WWOX: variants seen among roughly 807,000 people sequenced by gnomAD.
The protein encoded by WWOX is WW domain-containing oxidoreductase.
A neutral mutation model predicts 46.2 loss-of-function variants in WWOX; 69 were observed. The observed-to-expected ratio is 1.49, with a 90% CI of 1.23 to 1.82. WWOX has a LOEUF of 1.82. Among genes scored for constraint, WWOX ranks in the 40% most tolerant of loss-of-function variants. The pLI, the probability that WWOX is intolerant of heterozygous loss-of-function variation, is 0.00. For synonymous variants in WWOX, 359 were observed against 202.6 expected (o/e 1.77, Z -6.56); for missense variants, 919 against 542.6 (o/e 1.69, Z -6.89).
At chr16:78,336,944 A>G (rs556145729) in intron 5 of WWOX, among the ~76,000 whole-genome samples, 204 of 151,956 alleles carry the variant, frequency 1.3e-3, no homozygotes, top group African/African-American at 4.4e-3. Flanking sequence ...ATGCCCGGCT[A>G]ATTTTTTGTA....
intron 8 of WWOX, among the ~76,000 whole-genome samples, chr16:79,096,563 C>A (rs1373334300): frequency 6.6e-6 from 1 of 152,174 alleles, no homozygotes; most frequent in Admixed American, 6.5e-5. Context: ...TCTCTAGATA[C>A]CATCTTTAAA....
intron 8 of WWOX, among the ~76,000 whole-genome samples, chr16:78,853,353 C>T (rs1391980604): frequency 6.6e-6 from 1 of 152,152 alleles, no homozygotes; most frequent in East Asian, 1.9e-4. Flanking sequence ...GCTGGGATTA[C>T]AGGCGCATGC....
intron 8 of WWOX, among the ~76,000 whole-genome samples, chr16:79,043,852 T>A (rs944376851): frequency 6.6e-6 from 1 of 152,216 alleles, no homozygotes; most frequent in African/African-American, 2.4e-5. Context: ...GAGAGCAAAC[T>A]CTGGAAGTGG....
chr16:78,827,825 G>A (rs2051704865), intron 8 of WWOX, among the ~76,000 whole-genome samples: 2 of 152,126 alleles, frequency 1.3e-5, no homozygotes, highest in African/African-American at 4.8e-5. Flanking sequence ...TGGGCGGCAA[G>A]CAAGACACCA....
intron 8 of WWOX, among the ~76,000 whole-genome samples, chr16:79,092,105 T>C (rs1280913700): frequency 6.6e-6 from 1 of 152,128 alleles, no homozygotes; most frequent in Non-Finnish European, 1.5e-5. Context: ...TAAAGAAATG[T>C]GTAATTCAGA....
rs578161090 is a variant in WWOX, at chr16:78,862,704, C to G, written c.1057-348904C>G. Among the ~76,000 whole-genome samples, 249 of 152,196 alleles carry G rather than the reference C, an allele frequency of 1.6e-3. 10 individuals carry two copies. The South Asian group carries it at 0.047, about 29-fold the overall frequency. On this transcript the variant is annotated intron_variant, in intron 8 of 8. Coordinates refer to ENST00000566780, the MANE Select transcript of WWOX (RefSeq NM_016373.4). ...CCAAGGGCAGGAGAAGCTGATGTCTCAGCTTGAAGTCAGGCATAGAGAGGC... is the reference window on the plus strand; with the variant it reads ...CCAAGGGCAGGAGAAGCTGATGTCTGAGCTTGAAGTCAGGCATAGAGAGGC...
At chr16:79,030,616 G>C (rs1469246908) in intron 8 of WWOX, among the ~76,000 whole-genome samples, 1 of 152,234 alleles carries the variant, frequency 6.6e-6, no homozygotes, top group African/African-American at 2.4e-5. Flanking sequence ...CCAAAGATTA[G>C]ACACCCTTGT....
chr16:78,650,253 C>T (rs563247836), intron 8 of WWOX, among the ~76,000 whole-genome samples: 3 of 152,286 alleles, frequency 2.0e-5, no homozygotes, highest in African/African-American at 4.8e-5. Context: ...TCTCTAATTT[C>T]TTCAGGACTT....
chr16:78,866,827 C>A (rs1252367322), intron 8 of WWOX, among the ~76,000 whole-genome samples: 1 of 152,208 alleles, frequency 6.6e-6, no homozygotes, highest in Non-Finnish European at 1.5e-5. Context: ...ACTGGCCTTT[C>A]CAGTTTTTCT....
At chr16:78,882,279 C>G (rs1379623387) in intron 8 of WWOX, among the ~76,000 whole-genome samples, 1 of 152,110 alleles carries the variant, frequency 6.6e-6, no homozygotes, top group Non-Finnish European at 1.5e-5. Flanking sequence ...CCTAGGGAGC[C>G]AGGACAGTAT....
At chr16:79,136,456 C>T (rs1449034385) in intron 8 of WWOX, among the ~76,000 whole-genome samples, 3 of 152,268 alleles carry the variant, frequency 2.0e-5, no homozygotes, top group Admixed American at 6.5e-5. Flanking sequence ...GTCTTGATCT[C>T]CTGACCTCAT....
rs976655500 is a variant in WWOX at position 79,206,946 on chromosome 16, C to CATTT, written c.1057-4661_1057-4658dup. Among the ~76,000 whole-genome samples, 4 of 152,218 alleles carry CATTT rather than the reference C, an allele frequency of 2.6e-5. No individual in the cohort carries two copies. The East Asian group carries it at 7.7e-4, about 29-fold the overall frequency. On this transcript the variant is annotated intron_variant, in intron 8 of 8. Transcript: ENST00000566780. ...GTGGCCTTTTGGAGCAGTTTGCTTT[C>CATTT]ATTTGTGTTTCCAATGAGAGATTGA...
At chr16:78,891,503 T>C (rs952862918) in intron 8 of WWOX, 1 of 152,218 alleles carries the variant, frequency 6.6e-6, no homozygotes, top group African/African-American at 2.4e-5. Context: ...ATTACACCCA[T>C]GCAGCAATTA....
At chr16:78,491,520 T>TGG (rs1038679443) in intron 8 of WWOX, among the ~76,000 whole-genome samples, 3 of 152,172 alleles carry the variant, frequency 2.0e-5, no homozygotes, top group African/African-American at 7.2e-5. Flanking sequence ...TGGAGTGCAG[T>TGG]GGCAGAGTCT....
intron 8 of WWOX, among the ~76,000 whole-genome samples, chr16:78,463,328 G>A (rs907998419): frequency 6.6e-5 from 10 of 152,182 alleles, no homozygotes; most frequent in Admixed American, 5.2e-4. Flanking sequence ...ATTCTTACCC[G>A]ATGCTTAATG....
intron 8 of WWOX, among the ~76,000 whole-genome samples, chr16:79,056,900 A>G (rs1238529452): frequency 6.6e-6 from 1 of 152,254 alleles, no homozygotes; most frequent in Non-Finnish European, 1.5e-5. Flanking sequence ...CTTCAAACCT[A>G]CAAAACATAG....
At chr16:79,015,643 T>A (rs116768865) in intron 8 of WWOX, among the ~76,000 whole-genome samples, 2 of 152,228 alleles carry the variant, frequency 1.3e-5, no homozygotes. Context: ...CACTGTGGGA[T>A]TAGTCATGTC....
chr16:78,587,330 G>A (rs569729763), intron 8 of WWOX, among the ~76,000 whole-genome samples: 3 of 151,854 alleles, frequency 2.0e-5, no homozygotes, highest in South Asian at 2.1e-4. Context: ...ACTGCGTGAG[G>A]CCCAGTTAGT....
At chr16:78,463,913 A>C (rs1025712392) in intron 8 of WWOX, among the ~76,000 whole-genome samples, 2 of 152,152 alleles carry the variant, frequency 1.3e-5, no homozygotes, top group African/African-American at 4.8e-5. Flanking sequence ...CAGGATGAGG[A>C]TGTTCAATTT....
Sources: allele counts gnomAD v4.1 joint callset (sites outside exome capture counted in the v4.1 genomes callset), GRCh38; gene constraint gnomAD v4.1.1; transcripts MANE v1.5; gene names NCBI Gene and HGNC (gene_info 2026-07-23, HGNC 2026-07-21).